RPH3AL: variants seen among roughly 807,000 people sequenced by gnomAD.
RPH3AL encodes rabphilin 3A like (without C2 domains).
A neutral mutation model predicts 43.1 loss-of-function variants in RPH3AL; 38 were observed. That is an observed-to-expected ratio of 0.88 (90% CI 0.68 to 1.15). The LOEUF (loss-of-function observed/expected upper bound fraction) is 1.15. RPH3AL is among the 50% of genes most tolerant of loss of function. RPH3AL has a pLI of 0.00. For synonymous variants in RPH3AL, 189 were observed against 176.3 expected (o/e 1.07, Z -0.57); for missense variants, 462 against 423.2 (o/e 1.09, Z -0.81).
In RPH3AL at chr17:320,367, G is replaced by T. The variant is rs146166369; in HGVS notation, c.222-818C>A. Among the ~76,000 whole-genome samples, 69 of 152,246 alleles carry T rather than the reference G, an allele frequency of 4.5e-4. No homozygotes were observed. The East Asian group carries it at 0.012, about 26-fold the overall frequency. On this transcript the variant is annotated intron_variant, in intron 4 of 9. Coordinates refer to ENST00000331302, the MANE Select transcript of RPH3AL (RefSeq NM_006987.4). The stretch of plus-strand genomic sequence containing the variant: ...CTGTAAAGATAAGGCCGGGCAGGGT[G>T]GCTCATGCCTGACATCCCAGCCCTT...
chr17:269,016 C>G (rs946476015), intron 6 of RPH3AL, among the ~76,000 whole-genome samples: 2 of 152,024 alleles, frequency 1.3e-5, no homozygotes, highest in Non-Finnish European at 2.9e-5. Context: ...GTAGCTGGGA[C>G]TACAGGCGCC....
At chr17:334,474 G>A (rs889924807) in intron 1 of RPH3AL, among the ~76,000 whole-genome samples, 2 of 150,418 alleles carry the variant, frequency 1.3e-5, no homozygotes, top group Non-Finnish European at 3.0e-5. Flanking sequence ...TTCTCCGAGG[G>A]CCAGCCCATC....
At chr17:302,742 A>G (rs2043359948) in intron 5 of RPH3AL, among the ~76,000 whole-genome samples, 1 of 152,242 alleles carries the variant, frequency 6.6e-6, no homozygotes. Context: ...CCCCGAATAC[A>G]ACACAGCTCC....
chr17:221,749 A>G (rs372593506), intron 7 of RPH3AL, among the ~76,000 whole-genome samples: 42 of 118,582 alleles, frequency 3.5e-4, no homozygotes, highest in South Asian at 1.2e-3. Context: ...GAGACAATAG[A>G]CCCAAGAACA....
rs764080129 is a variant in RPH3AL at position 246,400 on chromosome 17, C to T, written c.613+711G>A. ...AGGGTAAGAGCCTGCCCTTGGATCCCAGCTCGGCCACACACCTGCCGAGGA... is the reference window on the plus strand; with the variant it reads ...AGGGTAAGAGCCTGCCCTTGGATCCTAGCTCGGCCACACACCTGCCGAGGA... On this transcript the variant is annotated intron_variant, in intron 7 of 9. Coordinates refer to ENST00000331302, the MANE Select transcript of RPH3AL (RefSeq NM_006987.4). The surrounding 1 kb of genome is among the most constrained non-coding windows in gnomAD (Gnocchi z 4.8). Among the ~76,000 whole-genome samples, 28 of 152,134 alleles carry T rather than the reference C, an allele frequency of 1.8e-4. No individual in the cohort carries two copies. The highest frequency in any genetic ancestry group is 3.2e-4 in the Non-Finnish European group (22 of 68,022).
intron 5 of RPH3AL, among the ~76,000 whole-genome samples, chr17:318,547 C>CA (rs2044367222): frequency 6.6e-6 from 1 of 151,946 alleles, no homozygotes; most frequent in African/African-American, 2.4e-5. Context: ...GTGCAGCTAC[C>CA]AACCTAGGAG....
chr17:240,982 A>G (rs1045417974), intron 7 of RPH3AL, among the ~76,000 whole-genome samples: 6 of 151,966 alleles, frequency 3.9e-5, no homozygotes, highest in African/African-American at 1.2e-4. Flanking sequence ...GCTTGAACCC[A>G]GGAGGCAGAG....
At chr17:331,474 C>A (rs1057406659) in intron 2 of RPH3AL, 2 of 952,194 alleles carry the variant, frequency 2.1e-6, no homozygotes, top group Non-Finnish European at 2.8e-6. Flanking sequence ...GGCTCTGGGA[C>A]GGCTGTGCAC....
chr17:250,679 T>C (rs574302620), intron 6 of RPH3AL, among the ~76,000 whole-genome samples: 1 of 151,414 alleles, frequency 6.6e-6, no homozygotes, highest in East Asian at 2.0e-4. Flanking sequence ...TCTCAGAGCC[T>C]TTACCAAGCT....
chr17:299,637 G>A lies in RPH3AL; in HGVS notation c.352-17783C>T, dbSNP rs112941379. ...ATGTCCCAGCGGGAAGCACAGGGGC[G>A]ACTGGAGGCCGGTGAAGAATCGCAG... On this transcript the variant is annotated intron_variant, in intron 5 of 9. Transcript: ENST00000331302. Among the ~76,000 whole-genome samples the A allele has an allele frequency of 5.2e-3, 799 of 152,348 alleles. 7 individuals are homozygous for A. Among genetic ancestry groups the A allele is most frequent in the African/African-American group, 0.017 (700 of 41,582 alleles).
intron 7 of RPH3AL, among the ~76,000 whole-genome samples, chr17:238,101 T>C (rs2041443470): frequency 2.6e-5 from 4 of 151,054 alleles, no homozygotes; most frequent in South Asian, 2.1e-4. Flanking sequence ...TGAGCCACTG[T>C]ACTCCACTCC....
At chr17:316,038 C>A (rs1287140821) in intron 5 of RPH3AL, among the ~76,000 whole-genome samples, 3 of 151,810 alleles carry the variant, frequency 2.0e-5, no homozygotes, top group East Asian at 2.0e-4. Context: ...CTCCATTGAC[C>A]TGTAGTCCCT....
rs749330982 is a variant in RPH3AL at position 341,666 on chromosome 17, C to T, written c.-212-7732G>A. ...GTCATCTAAGATTTGGCAATGATTT[C>T]TTAGATGACACCATACACACCAAAA... On this transcript the variant is annotated intron_variant, in intron 1 of 9. Transcript: ENST00000331302. 9.2e-5 allele frequency among the ~76,000 whole-genome samples: 14 copies of T among 152,240 alleles called. No individual in the cohort carries two copies. In the East Asian group the frequency reaches 2.5e-3, roughly 27 times the overall value.
chr17:293,831 C>T (rs1285376361), intron 5 of RPH3AL, among the ~76,000 whole-genome samples: 1 of 152,126 alleles, frequency 6.6e-6, no homozygotes, highest in African/African-American at 2.4e-5. Flanking sequence ...GAGTTCAACA[C>T]CAACCTGGCC....
chr17:269,032 C>A (rs888461234), intron 6 of RPH3AL, among the ~76,000 whole-genome samples: 2 of 152,182 alleles, frequency 1.3e-5, no homozygotes, highest in African/African-American at 2.4e-5. Context: ...GCGCCCGCCA[C>A]CACGCCTGGC....
chr17:262,460 C>T (rs544162305), intron 6 of RPH3AL, among the ~76,000 whole-genome samples: 28 of 152,212 alleles, frequency 1.8e-4, no homozygotes, highest in South Asian at 8.3e-4. Context: ...GTGATCCACC[C>T]GCCTCGGCCT....
chr17:340,439 G>C lies in RPH3AL; in HGVS notation c.-212-6505C>G. Among the ~76,000 whole-genome samples the C allele has an allele frequency of 1.8e-5, 2 of 108,440 alleles. 1 individual carries two copies. Among genetic ancestry groups the C allele is most frequent in the Admixed American group, 2.0e-4 (2 of 9,980 alleles). The allele number at this position is 108,440 out of a possible 152,430, so 71.1% of individuals were successfully genotyped here. A position where few individuals can be genotyped will look rare whatever the true frequency, so the allele number is the denominator to read the frequency against. ...AGGCCTCCCCACATCCATACTCACTGCCCCCCACCCAGGCCTCCCCACATC... is the reference window on the plus strand; with the variant it reads ...AGGCCTCCCCACATCCATACTCACTCCCCCCCACCCAGGCCTCCCCACATC... On this transcript the variant is annotated intron_variant, in intron 1 of 9. Transcript: ENST00000331302.
rs372001154 is a variant in RPH3AL at position 319,203 on chromosome 17, G to A, written c.351+217C>T. On this transcript the variant is annotated intron_variant, in intron 5 of 9. Transcript: ENST00000331302. ...TCGTGGCTCGGGTGTGAATCTACCA[G>A]AAGGGCTAGAAGATGCCTCCAAGCT... is the stretch of plus-strand genomic sequence containing the variant. 2.6e-5 allele frequency among the ~76,000 whole-genome samples: 4 copies of A among 152,326 alleles called. No homozygotes were observed. The East Asian group carries it at 5.8e-4, about 22-fold the overall frequency.
intron 5 of RPH3AL, among the ~76,000 whole-genome samples, chr17:316,748 G>GA (rs2044231155): frequency 1.5e-5 from 2 of 134,102 alleles, no homozygotes; most frequent in South Asian, 2.4e-4. Context: ...TAGTCCATGT[G>GA]CCCCACCTCC....
Sources: gnomAD v4.1 joint callset for allele counts (sites outside exome capture counted in the v4.1 genomes callset) on GRCh38, gnomAD v4.1.1 for gene constraint, Gnocchi (gnomAD v3.1) non-coding constraint, MANE v1.5 for transcripts, NCBI Gene and HGNC (gene_info 2026-07-23, HGNC 2026-07-21) for gene names.